PRMT3: variants seen among roughly 807,000 people sequenced by gnomAD.
PRMT3 encodes the protein protein arginine N-methyltransferase 3.
PRMT3 carries 62 observed loss-of-function variants against 71.9 expected under a neutral mutation model. That is an observed-to-expected ratio of 0.86 (90% CI 0.70 to 1.07). PRMT3 has a LOEUF of 1.07. Among genes scored for constraint, PRMT3 ranks in the 50% least tolerant of loss-of-function variants. The probability of loss-of-function intolerance (pLI) is 0.00; values close to 1 mark genes in which losing one functional copy is unlikely to be tolerated. For synonymous variants in PRMT3, 213 were observed against 220.4 expected, an observed-to-expected ratio of 0.97 and a Z score of 0.30; for missense variants, 663 against 643.0, an observed-to-expected ratio of 1.03 and a Z score of -0.34.
In PRMT3 at chr11:20,508,530, C is replaced by A. The variant is rs1290049609; in HGVS notation, c.*117C>A. 7 of 748,672 alleles carry A rather than the reference C, an allele frequency of 9.3e-6. No individual in the cohort carries two copies. In the African/African-American group the frequency reaches 1.0e-4, roughly 11 times the overall value. The allele number at this position is 748,672 out of a possible 1,614,324, so 46.4% of individuals were successfully genotyped here. On this transcript the variant is annotated 3_prime_UTR_variant, in exon 16 of 16. Transcript: ENST00000331079. ...GGATGATGGACCCTTTCCTAATGAGCCTCCTCAATAAGAGAGAAGTTCTCA... is the reference window on the plus strand; with the variant it reads ...GGATGATGGACCCTTTCCTAATGAGACTCCTCAATAAGAGAGAAGTTCTCA...
chr11:20,446,199 T>C (rs1170279331), intron 10 of PRMT3, among the ~76,000 whole-genome samples: 2 of 152,144 alleles, frequency 1.3e-5, no homozygotes, highest in African/African-American at 4.8e-5. Context: ...CATACCTCCA[T>C]AGACTTCTCA....
chr11:20,430,971 C>A (rs963949215), intron 10 of PRMT3, among the ~76,000 whole-genome samples: 1 of 152,064 alleles, frequency 6.6e-6, no homozygotes, highest in African/African-American at 2.4e-5. Flanking sequence ...TTCTTTATTG[C>A]TTCTTATTTC....
At chr11:20,437,814 C>A (rs1010766385) in intron 10 of PRMT3, among the ~76,000 whole-genome samples, 1 of 152,092 alleles carries the variant, frequency 6.6e-6, no homozygotes, top group Non-Finnish European at 1.5e-5. Context: ...TGGTCTCAAT[C>A]TCCTGACCTC....
chr11:20,426,935 T>G, intron 10 of PRMT3, 70 bp downstream of exon 10: 1 of 1,442,476 alleles, frequency 6.9e-7, no homozygotes, highest in Non-Finnish European at 9.1e-7. Flanking sequence ...ATAGTTTTCA[T>G]GAATTTAATT....
At chr11:20,408,733 A>T (rs1402346245) in intron 9 of PRMT3, among the ~76,000 whole-genome samples, 1 of 152,216 alleles carries the variant, frequency 6.6e-6, no homozygotes, top group East Asian at 1.9e-4. Flanking sequence ...ATATGTGATT[A>T]ATAGGAGGCT....
chr11:20,461,846 T>A (rs1850390400), intron 11 of PRMT3, 134 bp from the exon 12 acceptor site: 21 of 698,042 alleles, frequency 3.0e-5, no homozygotes, highest in Non-Finnish European at 4.2e-5. Context: ...TTTTTCCTGA[T>A]CTATACCTTC....
intron 9 of PRMT3, among the ~76,000 whole-genome samples, chr11:20,409,287 T>G (rs892176691): frequency 2.0e-5 from 3 of 152,152 alleles, no homozygotes; most frequent in Admixed American, 1.3e-4. Flanking sequence ...AACCAGTACT[T>G]GGAACTTCGG....
At chr11:20,505,412 G>C (rs1315317555) in intron 15 of PRMT3, among the ~76,000 whole-genome samples, 1 of 152,078 alleles carries the variant, frequency 6.6e-6, no homozygotes, top group East Asian at 1.9e-4. Flanking sequence ...ACTAAATTAA[G>C]TAATTTGTAT....
At chr11:20,450,425 A>T (rs921983345) in intron 10 of PRMT3, among the ~76,000 whole-genome samples, 7 of 152,160 alleles carry the variant, frequency 4.6e-5, no homozygotes, top group Non-Finnish European at 7.4e-5. Flanking sequence ...CAGATTGGTA[A>T]AGATTTCTTA....
chr11:20,388,824 T>C (rs758926762), intron 2 of PRMT3, among the ~76,000 whole-genome samples: 4 of 152,238 alleles, frequency 2.6e-5, no homozygotes, highest in African/African-American at 4.8e-5. Context: ...TTCTGCCTGT[T>C]AGTCTTGGGA....
chr11:20,440,476 T>C, intron 10 of PRMT3, among the ~76,000 whole-genome samples: 1 of 110,926 alleles, frequency 9.0e-6, no homozygotes, highest in African/African-American at 3.5e-5. Context: ...AAACCCCATC[T>C]CTACTAAAAA....
chr11:20,496,751 A>G (rs76245502), intron 15 of PRMT3, among the ~76,000 whole-genome samples: 6 of 152,184 alleles, frequency 3.9e-5, no homozygotes, highest in South Asian at 2.1e-4. Flanking sequence ...GTGGTTATCA[A>G]TCTCTGTTTT....
At chr11:20,423,322 G>A (rs189814527) in intron 9 of PRMT3, among the ~76,000 whole-genome samples, 2 of 152,222 alleles carry the variant, frequency 1.3e-5, no homozygotes, top group Admixed American at 1.3e-4. Flanking sequence ...ATAATTCTGG[G>A]AGATATTTTT....
chr11:20,464,413 T>G lies in PRMT3; in HGVS notation c.1261-47T>G, dbSNP rs199697949. On this transcript the variant is annotated intron_variant, in intron 12 of 15. Transcript: ENST00000331079. ...TGTTTTATTTTTTGTTTTTTTTTTT[T>G]GGACTATTTTTACTAAGCTCTTTCT... is the stretch of plus-strand genomic sequence containing the variant. The G allele has an allele frequency of 7.1e-5, 109 of 1,529,240 alleles. 2 individuals are homozygous for G. In the East Asian group the frequency reaches 1.7e-3, roughly 23 times the overall value. 94.7% of individuals were successfully genotyped at this position (1,529,240 alleles called of 1,614,324 possible).
chr11:20,396,660 C>T (rs1848833031), intron 6 of PRMT3, among the ~76,000 whole-genome samples: 1 of 151,886 alleles, frequency 6.6e-6, no homozygotes, highest in South Asian at 2.1e-4. Context: ...GGGGGGGAAT[C>T]AGAATGTAAT....
intron 10 of PRMT3, among the ~76,000 whole-genome samples, chr11:20,444,597 G>A (rs1197544015): frequency 6.6e-6 from 1 of 152,008 alleles, no homozygotes; most frequent in East Asian, 1.9e-4. Flanking sequence ...ATTTAATTTG[G>A]TTGTGATAAG....
intron 10 of PRMT3, among the ~76,000 whole-genome samples, chr11:20,442,122 A>G (rs1324589514): frequency 6.6e-6 from 1 of 152,094 alleles, no homozygotes; most frequent in East Asian, 1.9e-4. Context: ...CAACTTTACT[A>G]CTATACAATA....
chr11:20,486,208 G>A (rs1055752266), intron 13 of PRMT3, among the ~76,000 whole-genome samples: 2 of 152,154 alleles, frequency 1.3e-5, no homozygotes, highest in East Asian at 3.8e-4. Context: ...TCTTTTGGGG[G>A]AAATGAAATG....
chr11:20,508,167 A>G (rs1851638873), intron 15 of PRMT3, 137 bp from the exon 16 acceptor site: 2 of 493,154 alleles, frequency 4.1e-6, no homozygotes, highest in Non-Finnish European at 7.2e-6. Flanking sequence ...AAAAAAAAAA[A>G]AAAGAATATT....
Sources: gnomAD v4.1 joint callset for allele counts (sites outside exome capture counted in the v4.1 genomes callset) on GRCh38, gnomAD v4.1.1 for gene constraint, MANE v1.5 for transcripts, NCBI Gene and HGNC (gene_info 2026-07-23, HGNC 2026-07-21) for gene names.